The following FGFR2 variants were observed in gnomAD, a reference collection of about 807,000 sequenced individuals.
FGFR2 encodes the protein BEK fibroblast growth factor receptor.
FGFR2 carries 19 observed loss-of-function variants against 95.9 expected under a neutral mutation model. The observed-to-expected ratio is 0.20, with a 90% confidence interval of 0.14 to 0.29. The LOEUF is 0.29. FGFR2 is among the 10% of genes least tolerant of loss of function. FGFR2 has a pLI of 1.00. For synonymous variants in FGFR2, 392 were observed against 393.3 expected (o/e 1.00, Z 0.04); for missense variants, 707 against 1,056.9 (o/e 0.67, Z 4.59).
chr10:121,542,630 A>G (rs1289021702), intron 5 of FGFR2, among the ~76,000 whole-genome samples: 1 of 152,236 alleles, frequency 6.6e-6, no homozygotes, highest in Non-Finnish European at 1.5e-5. Flanking sequence ...TATGTTCACT[A>G]AAGACTTTTT....
intron 5 of FGFR2, among the ~76,000 whole-genome samples, chr10:121,544,006 T>A (rs1485621774): frequency 6.6e-6 from 1 of 152,240 alleles, no homozygotes; most frequent in Admixed American, 6.5e-5. Flanking sequence ...AAATGCCATA[T>A]GGTCCTGCAA....
intron 2 of FGFR2, among the ~76,000 whole-genome samples, chr10:121,585,694 T>C (rs1165277525): frequency 1.3e-5 from 2 of 152,264 alleles, no homozygotes; most frequent in East Asian, 3.8e-4. Flanking sequence ...AAAATGATTT[T>C]ATTCAATTCT....
At chr10:121,566,041 T>C in intron 2 of FGFR2, 2 of 412,736 alleles carry the variant, frequency 4.8e-6, no homozygotes, top group Non-Finnish European at 9.1e-6. Context: ...CCTGCAAAAA[T>C]CTGTTATTGT....
chr10:121,503,093 G>A (rs1439386610), intron 10 of FGFR2, among the ~76,000 whole-genome samples: 1 of 152,220 alleles, frequency 6.6e-6, no homozygotes, highest in African/African-American at 2.4e-5. Flanking sequence ...AGAATCAGGT[G>A]CCTCACCCGA....
rs139002948 is a variant in FGFR2, at chr10:121,506,456, G to A, written c.1288-2515C>T. The stretch of plus-strand genomic sequence containing the variant: ...AGCCAGAACACTCTCTGCATGGCCT[G>A]CAGCGTAGCCCCTCATCACTGGATA... On this transcript the variant is annotated intron_variant, in intron 9 of 17. Coordinates refer to ENST00000358487, the MANE Select transcript of FGFR2 (RefSeq NM_000141.5). 3.2e-3 allele frequency among the ~76,000 whole-genome samples: 479 copies of A among 151,948 alleles called. 3 individuals carry two copies. The highest frequency in any genetic ancestry group is 5.0e-3 in the Non-Finnish European group (338 of 67,982).
chr10:121,591,635 T>C (rs1028217817), intron 2 of FGFR2, among the ~76,000 whole-genome samples: 3 of 152,240 alleles, frequency 2.0e-5, no homozygotes. Flanking sequence ...GCCTCTTCTT[T>C]GCCAGGTTTT....
chr10:121,539,650 G>T (rs990673617), intron 5 of FGFR2, among the ~76,000 whole-genome samples: 4 of 152,130 alleles, frequency 2.6e-5, no homozygotes, highest in African/African-American at 9.7e-5. Flanking sequence ...AGGTGTTTTG[G>T]ACAAGGCACT....
At chr10:121,566,397 C>T (rs1170142807) in intron 2 of FGFR2, among the ~76,000 whole-genome samples, 2 of 152,222 alleles carry the variant, frequency 1.3e-5, no homozygotes, top group Admixed American at 1.3e-4. Flanking sequence ...GCCCAGACAG[C>T]TGCAAGGCAG....
At chr10:121,502,104 G>A (rs1165758520) in intron 10 of FGFR2, among the ~76,000 whole-genome samples, 1 of 152,204 alleles carries the variant, frequency 6.6e-6, no homozygotes, top group African/African-American at 2.4e-5. Flanking sequence ...TTCCACTGTT[G>A]ACTGTGGTGT....
Position 121,591,627 on chromosome 10 carries a change from CTCT to C in FGFR2, c.109+2079_109+2081del, listed in dbSNP as rs1174018266. Among the ~76,000 whole-genome samples, 13 of 152,340 alleles carry C rather than the reference CTCT, an allele frequency of 8.5e-5. No homozygotes were observed. The East Asian group carries it at 2.5e-3, about 29-fold the overall frequency. ...TGGGACTTGTATACTTTTCCAAAGCCTCTTCTTTGCCAGGTTTTGCACCTTCCT... is the reference window on the plus strand; with the variant it reads ...TGGGACTTGTATACTTTTCCAAAGCCTCTTTGCCAGGTTTTGCACCTTCCT... On this transcript the variant is annotated intron_variant, in intron 2 of 17. Coordinates refer to ENST00000358487, the MANE Select transcript of FGFR2 (RefSeq NM_000141.5).
intron 2 of FGFR2, among the ~76,000 whole-genome samples, chr10:121,576,580 C>T (rs1859805829): frequency 6.6e-6 from 1 of 152,150 alleles, no homozygotes; most frequent in Admixed American, 6.5e-5. Context: ...AGTGGCCCTA[C>T]AGAGTTGTCA....
rs1196438732 is a variant in FGFR2 at position 121,485,465 on chromosome 10, C to T, written c.2125G>A (p.Val709Met). The change falls in exon 16 of 18, where the codon GTG becomes ATG. Residue 709 changes from valine (V) to methionine (M), a missense_variant. By Grantham distance (21) the Val-to-Met change is conservative. Transcript: ENST00000358487. This position sits in a 1 kb window ranked among gnomAD's most constrained non-coding sequence, Gnocchi z 4.2. ...TTCAGCAGCTTAAAAAGTTCCTCCA[C>T]GGGAATCCCTGGGTAGGGCGAGCCC... Reference protein sequence around the residue: ...LGGSPYPGIPVEELFKLLKEG... With the variant: ...LGGSPYPGIPMEELFKLLKEG... The T allele has an allele frequency of 1.2e-6, 2 of 1,614,128 alleles. No homozygotes were observed. Among genetic ancestry groups the T allele is most frequent in the Non-Finnish European group, 1.7e-6 (2 of 1,180,024 alleles).
rs1166007657 is a variant in FGFR2 at position 121,479,411 on chromosome 10, A to C, written c.*446T>G. 1 of 359,076 alleles carries C rather than the reference A, an allele frequency of 2.8e-6. No individual in the cohort carries two copies. Among genetic ancestry groups the C allele is most frequent in the Non-Finnish European group, 4.8e-6 (1 of 208,392 alleles). The allele number at this position is 359,076 out of a possible 1,614,324, so 22.2% of individuals were successfully genotyped here. A position where few individuals can be genotyped will look rare whatever the true frequency, so the allele number is the denominator to read the frequency against. ...GACATCCATTTAAAATCAATACAAA[A>C]AATAACTCCTTGTAAATATATAATA... On this transcript the variant is annotated 3_prime_UTR_variant, in exon 18 of 18. Transcript: ENST00000358487.
chr10:121,595,437 G>C lies in FGFR2; in HGVS notation c.-150-1470C>G, dbSNP rs1219646. Among the ~76,000 whole-genome samples, 1,446 of 152,330 alleles carry C rather than the reference G, an allele frequency of 9.5e-3. 21 individuals carry two copies. Among genetic ancestry groups the C allele is most frequent in the East Asian group, 0.067 (349 of 5,186 alleles). On this transcript the variant is annotated intron_variant, in intron 1 of 17. Transcript: ENST00000358487. The stretch of plus-strand genomic sequence containing the variant: ...AGAAAAGTATGTGTGCAGTGTGTGT[G>C]TGTGTACACGGTGTGTGTGCGTGCA...
chr10:121,595,481 GGTGT>G (rs148572905), intron 1 of FGFR2, among the ~76,000 whole-genome samples: 18 of 151,804 alleles, frequency 1.2e-4, no homozygotes, highest in Admixed American at 6.6e-4. Context: ...GTGTATGCAC[GGTGT>G]GTGTGTGTAC....
chr10:121,528,375 C>T (rs1182999967), intron 6 of FGFR2, among the ~76,000 whole-genome samples: 1 of 151,916 alleles, frequency 6.6e-6, no homozygotes, highest in East Asian at 1.9e-4. Context: ...ACGAATTGTA[C>T]TACATCCGTG....
intron 5 of FGFR2, among the ~76,000 whole-genome samples, chr10:121,544,554 G>T (rs749492415): frequency 3.3e-5 from 5 of 151,876 alleles, no homozygotes; most frequent in Non-Finnish European, 5.9e-5. Context: ...TTTGTTAAGT[G>T]AAATAAGCCA....
rs2134059188 is a variant in FGFR2 at position 121,503,862 on chromosome 10, T to C, written c.1367A>G (p.Asp456Gly). The change falls in exon 10 of 18, where the codon GAC (aspartate) becomes GGC (glycine). Residue 456 changes from aspartate (D) to glycine (G), a missense_variant. Physicochemically the swap from Asp to Gly is moderately conservative, Grantham distance 94. This residue lies in a region of FGFR2 where 194 missense variants were observed against 267.3 expected (regional missense o/e 0.73). Coordinates refer to ENST00000358487, the MANE Select transcript of FGFR2 (RefSeq NM_000141.5). ...RITTRLSSTA[D>G]TPMLAGVSEY... ...GGAGACCCCTGCCAGCATGGGGGTG[T>C]CTGCCGTTGAAGAGAGGCGTGTTGT... The C allele has an allele frequency of 6.2e-7, 1 of 1,614,172 alleles. No homozygotes were observed. The highest frequency in any genetic ancestry group is 8.5e-7 in the Non-Finnish European group (1 of 1,180,020).
chr10:121,532,411 G>A (rs942212597), intron 6 of FGFR2, among the ~76,000 whole-genome samples: 7 of 152,174 alleles, frequency 4.6e-5, no homozygotes, highest in African/African-American at 1.7e-4. Flanking sequence ...GATGGAAGCC[G>A]AGACTGAGAT....
Sources: gnomAD v4.1 joint callset for allele counts (sites outside exome capture counted in the v4.1 genomes callset) on GRCh38, gnomAD v4.1.1 for gene constraint, gnomAD v4.1.1 regional missense constraint, Gnocchi (gnomAD v3.1) non-coding constraint, MANE v1.5 for transcripts, NCBI Gene and HGNC (gene_info 2026-07-23, HGNC 2026-07-21) for gene names.